The following LSAMP variants were observed in gnomAD, a reference collection of about 807,000 sequenced individuals.
LSAMP encodes the protein limbic system-associated membrane protein.
LSAMP carries 7 observed loss-of-function variants against 38.6 expected under a neutral mutation model. The ratio of observed to expected loss-of-function variants is 0.18; its 90% CI spans 0.10 to 0.34. LSAMP has a LOEUF of 0.34. LSAMP is among the 10% of genes least tolerant of loss of function. The pLI is 1.00. For synonymous variants in LSAMP, 154 were observed against 166.8 expected (o/e 0.92, Z 0.59); for missense variants, 313 against 420.0 (o/e 0.75, Z 2.23).
chr3:116,191,663 C>T (rs1446627912), intron 1 of LSAMP, among the ~76,000 whole-genome samples: 1 of 151,678 alleles, frequency 6.6e-6, no homozygotes, highest in African/African-American at 2.4e-5. Context: ...CCGGGTTTAG[C>T]TCTTCTGTCT....
At position 116,352,467 on chromosome 3, in the gene LSAMP, G is replaced by T. The variant is rs9829156; in HGVS notation, c.155+92410C>A. Among the ~76,000 whole-genome samples the T allele has an allele frequency of 8.6e-3, 1,303 of 152,128 alleles. 19 individuals are homozygous for T. The highest frequency in any genetic ancestry group is 0.03 in the African/African-American group (1,233 of 41,544). The stretch of plus-strand genomic sequence containing the variant: ...CACAAGTAGAGACAGAAGAACTGAG[G>T]AAAGGCAAGCCAACCTCATTTACTT... On this transcript the variant is annotated intron_variant, in intron 1 of 6. Coordinates refer to ENST00000490035, the MANE Select transcript of LSAMP (RefSeq NM_002338.5).
chr3:116,347,248 C>T (rs2048075887), intron 1 of LSAMP, among the ~76,000 whole-genome samples: 1 of 152,182 alleles, frequency 6.6e-6, no homozygotes, highest in Non-Finnish European at 1.5e-5. Flanking sequence ...ATGGTGAGGG[C>T]CAACCTTTTG....
At chr3:116,109,384 G>A (rs1234621682) in intron 1 of LSAMP, among the ~76,000 whole-genome samples, 2 of 152,080 alleles carry the variant, frequency 1.3e-5, no homozygotes, top group Admixed American at 6.5e-5. Context: ...AGGTCAGATA[G>A]GTCTGTAGAA....
rs533095585 is a variant in LSAMP, at chr3:116,228,838, T to G, written c.156-142282A>C. 3.3e-5 allele frequency among the ~76,000 whole-genome samples: 5 copies of G among 152,204 alleles called. No individual in the cohort carries two copies. The East Asian group carries it at 9.7e-4, about 29-fold the overall frequency. On this transcript the variant is annotated intron_variant, in intron 1 of 6. Transcript: ENST00000490035. Reference sequence around the variant, plus strand: ...GTACTCATTGAGAAACCTGGAGGCATTAGGGAAAGCAGGTGGTATATTCAA... The same window carrying G: ...GTACTCATTGAGAAACCTGGAGGCAGTAGGGAAAGCAGGTGGTATATTCAA...
intron 1 of LSAMP, among the ~76,000 whole-genome samples, chr3:116,213,594 T>C (rs1429327009): frequency 2.0e-5 from 3 of 152,196 alleles, no homozygotes; most frequent in African/African-American, 7.2e-5. Context: ...TTCAAGTTTA[T>C]TATGAAACTC....
chr3:116,191,480 G>A (rs971527987), intron 1 of LSAMP, among the ~76,000 whole-genome samples: 2 of 152,028 alleles, frequency 1.3e-5, no homozygotes, highest in Non-Finnish European at 2.9e-5. Context: ...TTTTTGAGGG[G>A]ATTCCCAAAT....
chr3:115,845,040 C>G (rs561487131), intron 4 of LSAMP, among the ~76,000 whole-genome samples: 1 of 152,248 alleles, frequency 6.6e-6, no homozygotes, highest in African/African-American at 2.4e-5. Flanking sequence ...AGATATTAGG[C>G]TTCAGAACTG....
intron 1 of LSAMP, among the ~76,000 whole-genome samples, chr3:116,299,249 T>C (rs1321385427): frequency 1.3e-5 from 2 of 152,208 alleles, no homozygotes; most frequent in African/African-American, 2.4e-5. Context: ...AGGATTACTA[T>C]TGACATGCTA....
At chr3:116,268,624 G>A (rs2046926038) in intron 1 of LSAMP, among the ~76,000 whole-genome samples, 1 of 151,778 alleles carries the variant, frequency 6.6e-6, no homozygotes, top group Non-Finnish European at 1.5e-5. Context: ...CTCCCCCTTT[G>A]GTTAGACCTC....
At chr3:116,141,830 T>G (rs1379868994) in intron 1 of LSAMP, among the ~76,000 whole-genome samples, 2 of 151,992 alleles carry the variant, frequency 1.3e-5, no homozygotes, top group African/African-American at 2.4e-5. Context: ...AAATACTTTA[T>G]CAGACTATCA....
chr3:116,416,198 C>T (rs184930863), intron 1 of LSAMP, among the ~76,000 whole-genome samples: 44 of 152,264 alleles, frequency 2.9e-4, no homozygotes, highest in Admixed American at 2.4e-3. Flanking sequence ...TAATTGAGCA[C>T]TTCTGTGTGC....
intron 3 of LSAMP, among the ~76,000 whole-genome samples, chr3:115,993,259 C>A (rs1939723060): frequency 6.6e-6 from 1 of 152,038 alleles, no homozygotes; most frequent in Non-Finnish European, 1.5e-5. Context: ...GAAATCTGAG[C>A]TCAGTGCCAC....
intron 6 of LSAMP, among the ~76,000 whole-genome samples, chr3:115,823,974 G>A (rs916187002): frequency 5.9e-5 from 9 of 152,136 alleles, no homozygotes; most frequent in Non-Finnish European, 1.3e-4. Flanking sequence ...ATGGTGATAC[G>A]GATTGTTACA....
chr3:116,091,275 C>A (rs1417381419), intron 1 of LSAMP, among the ~76,000 whole-genome samples: 1 of 152,210 alleles, frequency 6.6e-6, no homozygotes, highest in African/African-American at 2.4e-5. Context: ...ATTCCCTGAA[C>A]AATTGCTGTT....
intron 1 of LSAMP, among the ~76,000 whole-genome samples, chr3:116,204,239 G>A (rs548730245): frequency 6.6e-6 from 1 of 150,650 alleles, no homozygotes; most frequent in Admixed American, 6.6e-5. Flanking sequence ...CCCACTTTTT[G>A]ATGGGGTTGT....
intron 1 of LSAMP, among the ~76,000 whole-genome samples, chr3:116,431,221 T>C (rs1250984944): frequency 6.6e-6 from 1 of 151,996 alleles, no homozygotes; most frequent in Non-Finnish European, 1.5e-5. Context: ...GAAAAAAAAA[T>C]CTAGCTCATT....
rs1011583645 is a variant in LSAMP, at chr3:116,319,953, T to G, written c.155+124924A>C. Among the ~76,000 whole-genome samples, 2 of 152,298 alleles carry G rather than the reference T, an allele frequency of 1.3e-5. 1 individual carries two copies. The highest frequency in any genetic ancestry group is 4.8e-5 in the African/African-American group (2 of 41,564). ...TACAATTTATGTTGTATTTTTTTCC[T>G]CCTTTAAATGTGGAAGACTTTCCAA... On this transcript the variant is annotated intron_variant, in intron 1 of 6. Coordinates refer to ENST00000490035, the MANE Select transcript of LSAMP (RefSeq NM_002338.5).
chr3:116,151,687 G>A (rs1023998845), intron 1 of LSAMP, among the ~76,000 whole-genome samples: 1 of 151,968 alleles, frequency 6.6e-6, no homozygotes, highest in Non-Finnish European at 1.5e-5. Context: ...TTGGCATGTC[G>A]CTGGACTTGT....
chr3:115,946,352 T>C (rs1938096215), intron 3 of LSAMP, among the ~76,000 whole-genome samples: 1 of 151,776 alleles, frequency 6.6e-6, no homozygotes, highest in African/African-American at 2.4e-5. Flanking sequence ...AGGAATGGAG[T>C]GTTACCAAAG....
Sources: gnomAD v4.1 joint callset for allele counts (sites outside exome capture counted in the v4.1 genomes callset) on GRCh38, gnomAD v4.1.1 for gene constraint, MANE v1.5 for transcripts, NCBI Gene and HGNC (gene_info 2026-07-23, HGNC 2026-07-21) for gene names.